Variants in GLRB observed in about 807,000 individuals in gnomAD.
The protein encoded by GLRB is glycine receptor subunit beta.
In GLRB, 33 loss-of-function variants were observed where a neutral mutation model predicts 54.2. That is an observed-to-expected ratio of 0.61 (90% CI 0.46 to 0.81). GLRB has a LOEUF of 0.81. Ranked by LOEUF, GLRB falls within the 40% of genes least tolerant of loss-of-function variation. The probability of loss-of-function intolerance (pLI) is 0.00; values close to 1 mark genes in which losing one functional copy is unlikely to be tolerated. For synonymous variants in GLRB, 209 were observed against 208.2 expected, an observed-to-expected ratio of 1.00 and a Z score of -0.03; for missense variants, 572 against 584.6, an observed-to-expected ratio of 0.98 and a Z score of 0.22.
At chr4:157,155,727 T>C (rs1312285441) in intron 9 of GLRB, among the ~76,000 whole-genome samples, 1 of 152,226 alleles carries the variant, frequency 6.6e-6, no homozygotes, top group Non-Finnish European at 1.5e-5. Flanking sequence ...GGTCTTTTGG[T>C]CGAGTAGTGA....
At chr4:157,083,788 C>T (rs1579181480) in intron 2 of GLRB, among the ~76,000 whole-genome samples, 1 of 151,980 alleles carries the variant, frequency 6.6e-6, no homozygotes, top group Non-Finnish European at 1.5e-5. Context: ...ATTTTAAAAT[C>T]TTATTTTTAA....
chr4:157,115,451 T>C (rs935337550), intron 2 of GLRB, among the ~76,000 whole-genome samples: 1 of 151,752 alleles, frequency 6.6e-6, no homozygotes, highest in Non-Finnish European at 1.5e-5. Flanking sequence ...CCTTTTAGTG[T>C]AGTATTCAGA....
chr4:157,089,677 G>T (rs1734539866), intron 2 of GLRB, among the ~76,000 whole-genome samples: 1 of 152,010 alleles, frequency 6.6e-6, no homozygotes, highest in African/African-American at 2.4e-5. Context: ...TTCATCCTTA[G>T]TTCTTTTAGC....
chr4:157,093,773 A>T, intron 2 of GLRB, among the ~76,000 whole-genome samples: 1 of 151,412 alleles, frequency 6.6e-6, no homozygotes, highest in East Asian at 2.0e-4. Context: ...AAAAAAAAAA[A>T]AAAAATACAT....
At chr4:157,090,386 G>A (rs2126449230) in intron 2 of GLRB, among the ~76,000 whole-genome samples, 1 of 152,244 alleles carries the variant, frequency 6.6e-6, no homozygotes, top group Admixed American at 6.5e-5. Flanking sequence ...TTTAATGGCT[G>A]GTTTAATGGA....
intron 4 of GLRB, 40 bp from the exon 5 acceptor site, chr4:157,136,429 A>T (rs1296578060): frequency 9.0e-7 from 1 of 1,112,832 alleles, no homozygotes; most frequent in Non-Finnish European, 1.4e-6. Context: ...TAAAAATAGC[A>T]ATAAACATAC....
chr4:157,147,850 G>A (rs1271013871), intron 8 of GLRB, among the ~76,000 whole-genome samples: 4 of 152,168 alleles, frequency 2.6e-5, no homozygotes, highest in Non-Finnish European at 5.9e-5. Context: ...GAGGTTTGTG[G>A]GCCATATGCT....
At chr4:157,140,432 T>C (rs1408029154) in intron 7 of GLRB, among the ~76,000 whole-genome samples, 2 of 151,934 alleles carry the variant, frequency 1.3e-5, no homozygotes, top group Non-Finnish European at 2.9e-5. Context: ...GTATTCCATC[T>C]CCCATTTGTA....
intron 2 of GLRB, among the ~76,000 whole-genome samples, chr4:157,109,857 T>C (rs566568979): frequency 1.2e-3 from 182 of 152,110 alleles, no homozygotes; most frequent in African/African-American, 4.1e-3. Context: ...AACTGGAGAA[T>C]ATGCACAGAA....
intron 7 of GLRB, among the ~76,000 whole-genome samples, chr4:157,139,395 T>G (rs1736529377): frequency 6.6e-6 from 1 of 152,104 alleles, no homozygotes; most frequent in African/African-American, 2.4e-5. Context: ...TTGATCCTTA[T>G]GCTATGCAGG....
intron 4 of GLRB, among the ~76,000 whole-genome samples, chr4:157,125,229 A>T (rs1012870773): frequency 6.6e-6 from 1 of 151,916 alleles, no homozygotes; most frequent in African/African-American, 2.4e-5. Context: ...AAACAAAAAT[A>T]ATAAAAATAA....
chr4:157,137,754 A>G (rs533930284), intron 6 of GLRB, among the ~76,000 whole-genome samples: 86 of 152,236 alleles, frequency 5.6e-4, no homozygotes, highest in African/African-American at 1.9e-3. Flanking sequence ...ATGTCTGTTT[A>G]TGTTTTTGTA....
intron 2 of GLRB, among the ~76,000 whole-genome samples, chr4:157,087,018 TCTAA>T (rs554834208): frequency 6.6e-6 from 1 of 152,186 alleles, no homozygotes; most frequent in Non-Finnish European, 1.5e-5. Flanking sequence ...GTTTTAACTC[TCTAA>T]CTACATTTTA....
intron 2 of GLRB, among the ~76,000 whole-genome samples, chr4:157,103,296 C>G (rs1735105938): frequency 2.0e-5 from 3 of 152,146 alleles, no homozygotes; most frequent in South Asian, 4.1e-4. Flanking sequence ...AAATCAGTCT[C>G]TCGTCCAATC....
chr4:157,111,887 C>A (rs183525567), intron 2 of GLRB, among the ~76,000 whole-genome samples: 6 of 152,128 alleles, frequency 3.9e-5, no homozygotes, highest in African/African-American at 1.4e-4. Context: ...TCATCTCAAC[C>A]TCTCAGCAAC....
At chr4:157,147,910 C>T (rs145564949) in intron 8 of GLRB, among the ~76,000 whole-genome samples, 19 of 152,280 alleles carry the variant, frequency 1.2e-4, no homozygotes, top group African/African-American at 4.1e-4. Flanking sequence ...GGTAAAGCAG[C>T]CATAGACAAT....
chr4:157,100,857 C>G (rs945881649), intron 2 of GLRB, among the ~76,000 whole-genome samples: 1 of 152,064 alleles, frequency 6.6e-6, no homozygotes, highest in Non-Finnish European at 1.5e-5. Flanking sequence ...AAAATGAGAA[C>G]TAGGAAATTT....
At chr4:157,167,465 CTG>C (rs1189805482) in intron 9 of GLRB, among the ~76,000 whole-genome samples, 2 of 152,180 alleles carry the variant, frequency 1.3e-5, no homozygotes, top group South Asian at 2.1e-4. Flanking sequence ...GTGTGCAAGT[CTG>C]TGTGTGTGTG....
At chr4:157,107,140 G>A (rs1487373218) in intron 2 of GLRB, among the ~76,000 whole-genome samples, 1 of 152,040 alleles carries the variant, frequency 6.6e-6, no homozygotes, top group African/African-American at 2.4e-5. Context: ...AATGTGGTGT[G>A]TGAACAACTG....
Sources: allele counts gnomAD v4.1 joint callset (sites outside exome capture counted in the v4.1 genomes callset), GRCh38; gene constraint gnomAD v4.1.1; transcripts MANE v1.5; gene names NCBI Gene and HGNC (gene_info 2026-07-23, HGNC 2026-07-21).